The following PTPRH variants were observed in gnomAD, a reference collection of about 807,000 sequenced individuals.
PTPRH encodes protein tyrosine phosphatase receptor type H, also known as receptor-type tyrosine-protein phosphatase H.
PTPRH carries 113 observed loss-of-function variants against 130.2 expected under a neutral mutation model. The ratio of observed to expected loss-of-function variants is 0.87; its 90% CI spans 0.75 to 1.01. PTPRH has a LOEUF of 1.01. Among genes scored for constraint, PTPRH ranks in the 50% least tolerant of loss-of-function variants. The pLI is 0.00. For missense variants in PTPRH, 1,430 were observed against 1,425.0 expected (o/e 1.00, Z -0.06); for synonymous variants, 556 against 577.9 (o/e 0.96, Z 0.54).
chr19:55,206,204 A>G (rs2122338730), intron 3 of PTPRH, among the ~76,000 whole-genome samples: 1 of 151,770 alleles, frequency 6.6e-6, no homozygotes, highest in East Asian at 1.9e-4. Context: ...CTGCACTCCA[A>G]CCTGGGCGAC....
intron 18 of PTPRH, among the ~76,000 whole-genome samples, chr19:55,183,453 C>G (rs1056895679): frequency 6.8e-6 from 1 of 146,890 alleles, no homozygotes; most frequent in African/African-American, 2.5e-5. Flanking sequence ...GCTGGGCGCA[C>G]TGGCTCACGC....
chr19:55,197,273 G>A lies in PTPRH; in HGVS notation c.1834C>T (p.Gln612Ter). 6.2e-7 allele frequency: 1 copy of A among 1,614,260 alleles called. No individual in the cohort carries two copies. Among genetic ancestry groups the A allele is most frequent in the Non-Finnish European group, 8.5e-7 (1 of 1,180,050 alleles). The part of the protein sequence containing the change: ...WASKGHPRRG[Q>*]DPQANWVNQT... ...TTGACCCAATTCGCTTGGGGATCTTGCCCCCTCCGGGGATGTCCCTTGCTG... is the reference window on the plus strand; with the variant it reads ...TTGACCCAATTCGCTTGGGGATCTTACCCCCTCCGGGGATGTCCCTTGCTG... The change falls in exon 9 of 20, where the codon CAA becomes TAA. Residue 612 changes from glutamine to a stop codon, truncating the protein, a stop_gained. Transcript: ENST00000376350. LOFTEE classifies it high-confidence loss of function.
At chr19:55,207,223 G>T (rs746985134) in intron 1 of PTPRH, 24 bp from the exon 2 acceptor site, 6 of 1,611,428 alleles carry the variant, frequency 3.7e-6, no homozygotes, top group Non-Finnish European at 5.1e-6. Flanking sequence ...AGAGAAAACG[G>T]AGTCAGCCTC....
intron 6 of PTPRH, among the ~76,000 whole-genome samples, chr19:55,201,069 A>C (rs1260867797): frequency 1.3e-5 from 2 of 152,268 alleles, no homozygotes; most frequent in East Asian, 3.8e-4. Flanking sequence ...TTACTGCCTA[A>C]GAGAGGCCCA....
rs73619559 is a variant in PTPRH, at chr19:55,196,669, G to A, written c.2110C>T (p.Arg704Trp). 1.1e-4 allele frequency: 177 copies of A among 1,613,934 alleles called. No homozygotes were observed. In the African/African-American group the frequency reaches 1.8e-3, roughly 17 times the overall value. Residue 704 changes from arginine (R) to tryptophan (W), a missense_variant, in exon 10 of 20, where the codon CGG becomes TGG. By Grantham distance (101) the Arg-to-Trp change is moderately radical (BLOSUM62 -3). Coordinates refer to ENST00000376350, the MANE Select transcript of PTPRH (RefSeq NM_002842.5). ...EAFELEVGGQRGSQDRSSCGE... is the reference protein window; with the variant it reads ...EAFELEVGGQWGSQDRSSCGE... ...CATGAAGATCTGTCCTGGGAGCCCC[G>A]CTGTCCTCCCACCTCCAACTCAAAG...
In PTPRH at chr19:55,186,275, G is replaced by C; in HGVS notation, c.2728C>G (p.Gln910Glu). 6.2e-7 allele frequency: 1 copy of C among 1,614,006 alleles called. No individual in the cohort carries two copies. Among genetic ancestry groups the C allele is most frequent in the Non-Finnish European group, 8.5e-7 (1 of 1,179,934 alleles). The change falls in exon 16 of 20, where the codon CAG (glutamine) becomes GAG (glutamate). Residue 910 changes from glutamine (Q) to glutamate (E), a missense_variant. Gln to Glu is a conservative substitution (Grantham distance 29). Coordinates refer to ENST00000376350, the MANE Select transcript of PTPRH (RefSeq NM_002842.5). ...VGDFWRLVWE[Q>E]QSHTLVMLTN... is the part of the protein sequence containing the mutation. Reference sequence around the variant, plus strand: ...AGCATGACCAGGGTGTGGCTCTGCTGTTCCCACACCAGGCGCCAGAAGTCA... The same window carrying C: ...AGCATGACCAGGGTGTGGCTCTGCTCTTCCCACACCAGGCGCCAGAAGTCA...
intron 6 of PTPRH, 130 bp downstream of exon 6, chr19:55,201,926 C>T: frequency 7.1e-7 from 1 of 1,407,906 alleles, no homozygotes; most frequent in Non-Finnish European, 9.7e-7. Flanking sequence ...TGAGACTGCC[C>T]CAGGATGTGG....
At chr19:55,186,045 T>C in intron 16 of PTPRH, 61 bp from the exon 17 acceptor site, 3 of 1,610,868 alleles carry the variant, frequency 1.9e-6, no homozygotes, top group Non-Finnish European at 2.5e-6. Flanking sequence ...TGGGGTCTGC[T>C]TTAGGCCCCA....
In PTPRH at chr19:55,186,660, A is replaced by T. The variant is rs1007248924; in HGVS notation, c.2567-120T>A. The T allele has an allele frequency of 3.6e-6, 3 of 836,096 alleles. No homozygotes were observed. The African/African-American group carries it at 5.4e-5, about 15-fold the overall frequency. 51.8% of individuals were successfully genotyped at this position (836,096 alleles called of 1,614,324 possible). On this transcript the variant is annotated intron_variant, in intron 14 of 19. Transcript: ENST00000376350. ...AGACCAAGACCCATGGACAAAAGTCATGCCGAGACGCAGGCAGACCTTGGG... is the reference window on the plus strand; with the variant it reads ...AGACCAAGACCCATGGACAAAAGTCTTGCCGAGACGCAGGCAGACCTTGGG...
rs1480845122 is a variant in PTPRH, at chr19:55,181,308, G to A, written c.*446C>T. On this transcript the variant is annotated 3_prime_UTR_variant, in exon 20 of 20. Transcript: ENST00000376350. ...GAAGGAAAAATACATGTGGATGGTG[G>A]GGTGCAGAGAGACCTTGGGCACAGG... is the stretch of plus-strand genomic sequence containing the variant. The A allele has an allele frequency of 1.9e-5, 3 of 160,252 alleles. No individual in the cohort carries two copies. Among genetic ancestry groups the A allele is most frequent in the Non-Finnish European group, 4.1e-5 (3 of 72,700 alleles). 9.9% of individuals were successfully genotyped at this position (160,252 alleles called of 1,614,324 possible). A position where few individuals can be genotyped will look rare whatever the true frequency, so the allele number is the denominator to read the frequency against.
At chr19:55,206,398 A>C (rs1468190375) in intron 3 of PTPRH, among the ~76,000 whole-genome samples, 1 of 149,810 alleles carries the variant, frequency 6.7e-6, no homozygotes, top group Non-Finnish European at 1.5e-5. Context: ...ATCAGAGCTC[A>C]CTGCAACCTC....
Position 55,187,738 on chromosome 19 carries a change from AC to A in PTPRH, c.2476-136del, listed in dbSNP as rs772042020. 6.3e-5 allele frequency: 43 copies of A among 678,954 alleles called. 1 individual carries two copies. Among genetic ancestry groups the A allele is most frequent in the East Asian group, 3.3e-4 (12 of 36,486 alleles). The allele number at this position is 678,954 out of a possible 1,614,324, so 42.1% of individuals were successfully genotyped here. A position where few individuals can be genotyped will look rare whatever the true frequency, so the allele number is the denominator to read the frequency against. ...TGCACCCTGAGATTATATGGCACCC[AC>A]AAAAACAGAATAGATGTGTGTGCCA... On this transcript the variant is annotated intron_variant, in intron 13 of 19. Coordinates refer to ENST00000376350, the MANE Select transcript of PTPRH (RefSeq NM_002842.5).
Position 55,205,504 on chromosome 19 carries a change from T to A in PTPRH, c.441A>T (p.Pro147=). 1 of 1,614,182 alleles carries A rather than the reference T, an allele frequency of 6.2e-7. No individual in the cohort carries two copies. Residue 147 remains proline (P), a synonymous_variant, in exon 4 of 20, where the codon CCA becomes CCT. Coordinates refer to ENST00000376350, the MANE Select transcript of PTPRH (RefSeq NM_002842.5). ...ACTCAACCCCGTAGGTGGAGTTCTG[T>A]GGGTCTGGGCCGTCGGGGACCTCCC... The part of the protein sequence containing the change: ...LTWEVPDGPD[P]QNSTYGVEYT...
chr19:55,185,652 T>C lies in PTPRH; in HGVS notation c.2912A>G (p.Gln971Arg). Reference protein sequence around the residue: ...RELLLLQVEEQKTLSVRQFHY... With the variant: ...RELLLLQVEERKTLSVRQFHY... ...GAATTGGCGCACAGACAGTGTCTTC[T>C]GCTCCTCCACCTGGAAGGAGGGAGC... Residue 971 changes from glutamine (Q) to arginine (R), a missense_variant, in exon 18 of 20, where the codon CAG (glutamine) becomes CGG (arginine). Physicochemically the swap from Gln to Arg is conservative, Grantham distance 43. Transcript: ENST00000376350. The C allele has an allele frequency of 6.2e-7, 1 of 1,614,038 alleles. No individual in the cohort carries two copies. Among genetic ancestry groups the C allele is most frequent in the Non-Finnish European group, 8.5e-7 (1 of 1,179,938 alleles).
At position 55,203,861 on chromosome 19, in the gene PTPRH, G is replaced by T. The variant is rs764919795; in HGVS notation, c.807C>A (p.Pro269=). 6 of 1,613,968 alleles carry T rather than the reference G, an allele frequency of 3.7e-6. No homozygotes were observed. Among genetic ancestry groups the T allele is most frequent in the Non-Finnish European group, 5.1e-6 (6 of 1,180,032 alleles). The change falls in exon 5 of 20, where the codon CCC becomes CCA. Residue 269 remains proline, a synonymous_variant. Coordinates refer to ENST00000376350, the MANE Select transcript of PTPRH (RefSeq NM_002842.5). The part of the protein sequence containing the change: ...DTRVTVDGLG[P]GSLYTCSVWV... Reference sequence around the variant, plus strand: ...ACACAGAACACGTATACAATGACCCGGGTCCAAGGCCATCCACGGTGACTC... The same window carrying T: ...ACACAGAACACGTATACAATGACCCTGGTCCAAGGCCATCCACGGTGACTC...
intron 10 of PTPRH, 84 bp downstream of exon 10, chr19:55,196,438 T>A (rs978746999): frequency 7.1e-7 from 1 of 1,409,084 alleles, no homozygotes; most frequent in Admixed American, 2.2e-5. Flanking sequence ...AACAAAAGAG[T>A]CCCACTGATT....
intron 10 of PTPRH, among the ~76,000 whole-genome samples, chr19:55,192,821 G>A (rs529513443): frequency 1.6e-4 from 24 of 151,970 alleles, no homozygotes; most frequent in Non-Finnish European, 3.1e-4. Context: ...AAAGTGCTGG[G>A]ATTATAGGCA....
Position 55,197,421 on chromosome 19 carries a change from G to A in PTPRH, c.1691-5C>T, listed in dbSNP as rs368943431. Reference sequence around the variant, plus strand: ...GATCTGTGACCTCATTGGGAGCTGAGAAGTGAGAACAGAGGCCTAAGGGGG... The same window carrying A: ...GATCTGTGACCTCATTGGGAGCTGAAAAGTGAGAACAGAGGCCTAAGGGGG... On this transcript the variant is annotated splice_region_variant and splice_polypyrimidine_tract_variant and intron_variant, in intron 8 of 19. Transcript: ENST00000376350. The A allele has an allele frequency of 1.2e-6, 2 of 1,610,218 alleles. No individual in the cohort carries two copies. Among genetic ancestry groups the A allele is most frequent in the Admixed American group, 1.7e-5 (1 of 59,934 alleles).
intron 18 of PTPRH, among the ~76,000 whole-genome samples, chr19:55,182,397 G>T (rs2086204251): frequency 6.6e-6 from 1 of 152,178 alleles, no homozygotes; most frequent in Admixed American, 6.5e-5. Context: ...GGTGGCGCAT[G>T]CCTGTAATCC....
Sources: allele counts gnomAD v4.1 joint callset (sites outside exome capture counted in the v4.1 genomes callset), GRCh38; gene constraint gnomAD v4.1.1; transcripts MANE v1.5; gene names NCBI Gene and HGNC (gene_info 2026-07-23, HGNC 2026-07-21).